DECR1: variants seen among roughly 807,000 people sequenced by gnomAD.
The protein encoded by DECR1 is 2,4-dienoyl-CoA reductase 1.
A neutral mutation model predicts 38.8 loss-of-function variants in DECR1; 44 were observed. The ratio of observed to expected loss-of-function variants is 1.13; its 90% CI spans 0.89 to 1.46. The LOEUF is 1.46. Among genes scored for constraint, DECR1 ranks in the 40% most tolerant of loss-of-function variants. The probability of loss-of-function intolerance (pLI) is 0.00; values close to 1 mark genes in which losing one functional copy is unlikely to be tolerated. For missense variants in DECR1, 428 were observed against 405.5 expected (o/e 1.06, Z -0.48); for synonymous variants, 148 against 135.2 (o/e 1.09, Z -0.66).
intron 5 of DECR1, among the ~76,000 whole-genome samples, chr8:90,026,673 G>T (rs1487884970): frequency 6.6e-6 from 1 of 152,016 alleles, no homozygotes; most frequent in Non-Finnish European, 1.5e-5. Context: ...CCAAAAACGA[G>T]CTCCTGGATT....
At chr8:90,024,511 G>A (rs1259572999) in intron 5 of DECR1, among the ~76,000 whole-genome samples, 1 of 152,206 alleles carries the variant, frequency 6.6e-6, no homozygotes, top group African/African-American at 2.4e-5. Flanking sequence ...CTGCATAAAT[G>A]TCTTCTTTTG....
At chr8:90,010,953 A>G (rs1399035424) in intron 1 of DECR1, among the ~76,000 whole-genome samples, 1 of 152,184 alleles carries the variant, frequency 6.6e-6, no homozygotes, top group Non-Finnish European at 1.5e-5. Context: ...TTAAAGAAAA[A>G]AAATTTATGA....
chr8:90,016,892 A>G (rs1813022146), intron 1 of DECR1: 1 of 436,286 alleles, frequency 2.3e-6, no homozygotes, highest in East Asian at 4.7e-5. Flanking sequence ...TAACCTGCTG[A>G]AAGTTACATA....
At chr8:90,042,615 T>C (rs923400231) in intron 6 of DECR1, 113 bp from the exon 7 acceptor site, 2 of 831,242 alleles carry the variant, frequency 2.4e-6, no homozygotes, top group African/African-American at 3.4e-5. Context: ...AGTACCTACC[T>C]GTTGGGGTTG....
intron 5 of DECR1, among the ~76,000 whole-genome samples, chr8:90,022,680 T>C (rs370182186): frequency 3.9e-5 from 6 of 152,130 alleles, no homozygotes; most frequent in African/African-American, 1.4e-4. Context: ...CATTTCATTC[T>C]CTACTGCTCT....
intron 6 of DECR1, among the ~76,000 whole-genome samples, chr8:90,038,156 T>C (rs1261464397): frequency 2.0e-5 from 3 of 152,188 alleles, no homozygotes; most frequent in Non-Finnish European, 4.4e-5. Flanking sequence ...TGAGCTTAAA[T>C]TTTTTTACTA....
chr8:90,003,920 AGAGT>A (rs1329649684), intron 1 of DECR1, among the ~76,000 whole-genome samples: 1 of 151,964 alleles, frequency 6.6e-6, no homozygotes, highest in Non-Finnish European at 1.5e-5. Flanking sequence ...ACCTGGCGAT[AGAGT>A]GAGTGAGACT....
At chr8:90,033,096 C>T (rs889388758) in intron 5 of DECR1, among the ~76,000 whole-genome samples, 2 of 152,112 alleles carry the variant, frequency 1.3e-5, no homozygotes, top group East Asian at 1.9e-4. Flanking sequence ...TTTCTGAGCC[C>T]AGGTGTCTAT....
chr8:90,027,560 C>A (rs1432511645), intron 5 of DECR1, among the ~76,000 whole-genome samples: 1 of 151,488 alleles, frequency 6.6e-6, no homozygotes, highest in South Asian at 2.1e-4. Flanking sequence ...TTTTTGTTTT[C>A]CATTTGCTTG....
Position 90,026,298 on chromosome 8 carries a change from G to A in DECR1, c.565+5242G>A, listed in dbSNP as rs960639700. Among the ~76,000 whole-genome samples the A allele has an allele frequency of 3.3e-5, 5 of 152,200 alleles. No homozygotes were observed. The East Asian group carries it at 9.6e-4, about 29-fold the overall frequency. ...GATTGGAATAATTTCAGAAGGAATGGTACCAGCTCCTCTTTGTACCTCTGG... is the reference window on the plus strand; with the variant it reads ...GATTGGAATAATTTCAGAAGGAATGATACCAGCTCCTCTTTGTACCTCTGG... On this transcript the variant is annotated intron_variant, in intron 5 of 9. Coordinates refer to ENST00000220764, the MANE Select transcript of DECR1 (RefSeq NM_001359.2).
At chr8:90,039,227 C>A (rs2130136215) in intron 6 of DECR1, among the ~76,000 whole-genome samples, 1 of 152,238 alleles carries the variant, frequency 6.6e-6, no homozygotes, top group East Asian at 1.9e-4. Context: ...CTTCCTTCTC[C>A]ATCTGTATTA....
chr8:90,028,363 A>G (rs1276902595), intron 5 of DECR1, among the ~76,000 whole-genome samples: 1 of 152,138 alleles, frequency 6.6e-6, no homozygotes, highest in Non-Finnish European at 1.5e-5. Context: ...TTGTATCTAG[A>G]TAAAACTATT....
rs1805886 is a variant in DECR1, at chr8:90,029,170, T to G, written c.566-7671T>G. 321 of 152,278 alleles carry G rather than the reference T, an allele frequency of 2.1e-3. 1 individual carries two copies. Among genetic ancestry groups the G allele is most frequent in the African/African-American group, 7.4e-3 (309 of 41,578 alleles). 9.4% of individuals were successfully genotyped at this position (152,278 alleles called of 1,614,324 possible). A position where few individuals can be genotyped will look rare whatever the true frequency, so the allele number is the denominator to read the frequency against. ...AGTGAGTGACGATATTTTACTGTTATTCAGCTTTTTCATCTATAAAATATA... is the reference window on the plus strand; with the variant it reads ...AGTGAGTGACGATATTTTACTGTTAGTCAGCTTTTTCATCTATAAAATATA... On this transcript the variant is annotated intron_variant, in intron 5 of 9. Transcript: ENST00000220764.
At position 90,019,187 on chromosome 8, in the gene DECR1, G is replaced by T. The variant is rs746411583; in HGVS notation, c.417+15G>T. ...GACATCCTAATGTAAGTGTAGCAAT[G>T]ATGAAGCCAAAGTGCAAGACACTTG... On this transcript the variant is annotated intron_variant, in intron 4 of 9. Transcript: ENST00000220764. The T allele has an allele frequency of 1.2e-6, 2 of 1,607,432 alleles. No homozygotes were observed. The highest frequency in any genetic ancestry group is 2.2e-5 in the South Asian group (2 of 90,856).
chr8:90,004,038 TCTTC>T (rs963891993), intron 1 of DECR1, among the ~76,000 whole-genome samples: 12 of 152,230 alleles, frequency 7.9e-5, no homozygotes, highest in Non-Finnish European at 1.6e-4. Flanking sequence ...AATTTACCAT[TCTTC>T]CTTTTTTGAT....
intron 8 of DECR1, among the ~76,000 whole-genome samples, chr8:90,048,888 C>T (rs1378041007): frequency 3.9e-5 from 6 of 152,150 alleles, no homozygotes. Context: ...GTTCAACATA[C>T]CCAAATCAAT....
chr8:90,028,090 A>G (rs1813399732), intron 5 of DECR1, among the ~76,000 whole-genome samples: 1 of 152,148 alleles, frequency 6.6e-6, no homozygotes, highest in South Asian at 2.1e-4. Context: ...GTTTATATGC[A>G]GATGTTACCT....
chr8:90,045,144 TG>T, intron 8 of DECR1, 149 bp downstream of exon 8: 1 of 590,662 alleles, frequency 1.7e-6, no homozygotes, highest in South Asian at 2.5e-5. Flanking sequence ...TTATATATAT[TG>T]TTTAGCCTAT....
intron 1 of DECR1, among the ~76,000 whole-genome samples, chr8:90,013,939 A>G (rs554403813): frequency 3.3e-5 from 5 of 152,312 alleles, no homozygotes; most frequent in Admixed American, 3.3e-4. Flanking sequence ...TTTGGAATAC[A>G]TGAAGGAGGA....
Sources: allele counts gnomAD v4.1 joint callset (sites outside exome capture counted in the v4.1 genomes callset), GRCh38; gene constraint gnomAD v4.1.1; transcripts MANE v1.5; gene names NCBI Gene and HGNC (gene_info 2026-07-23, HGNC 2026-07-21).